LANCL1: variants seen among roughly 807,000 people sequenced by gnomAD.
The protein encoded by LANCL1 is glutathione S-transferase LANCL1.
Under a neutral mutation model 50.6 loss-of-function variants are expected in LANCL1, and 50 were observed. That is an observed-to-expected ratio of 0.99 (90% CI 0.79 to 1.25). The LOEUF (loss-of-function observed/expected upper bound fraction) is 1.25, where lower values mean the gene tolerates loss of function less well. LANCL1 is among the 50% of genes most tolerant of loss of function. The pLI is 0.00. For missense variants in LANCL1, 532 were observed against 480.7 expected (o/e 1.11, Z -1.00); for synonymous variants, 188 against 178.6 (o/e 1.05, Z -0.42).
intron 3 of LANCL1, chr2:210,460,888 A>C (rs1369579553): frequency 6.6e-6 from 1 of 152,216 alleles, no homozygotes; most frequent in Non-Finnish European, 1.5e-5. Context: ...AAGTACTCTG[A>C]AGATGTGTCT....
intron 4 of LANCL1, among the ~76,000 whole-genome samples, chr2:210,445,260 C>A (rs1427980822): frequency 6.6e-6 from 1 of 152,124 alleles, no homozygotes; most frequent in African/African-American, 2.4e-5. Context: ...AATATTTGAA[C>A]CACGGCATTA....
intron 4 of LANCL1, among the ~76,000 whole-genome samples, chr2:210,443,552 A>C (rs1290781829): frequency 6.6e-6 from 1 of 152,184 alleles, no homozygotes; most frequent in Non-Finnish European, 1.5e-5. Flanking sequence ...TCATCTGTGA[A>C]ATAAATAGTC....
chr2:210,458,858 A>G (rs565521459), intron 3 of LANCL1, among the ~76,000 whole-genome samples: 1 of 152,318 alleles, frequency 6.6e-6, no homozygotes, highest in Non-Finnish European at 1.5e-5. Flanking sequence ...ATAACAGCCA[A>G]AATTGTTCGA....
chr2:210,471,603 C>T (rs935917098), intron 3 of LANCL1: 21 of 474,482 alleles, frequency 4.4e-5, no homozygotes, highest in Non-Finnish European at 7.1e-5. Flanking sequence ...TCATTACCTC[C>T]GCTTCAGGCA....
At chr2:210,453,941 T>G (rs73069789) in intron 4 of LANCL1, among the ~76,000 whole-genome samples, 5,145 of 152,206 alleles carry the variant, frequency 0.034, 242 homozygotes, top group African/African-American at 0.12. Flanking sequence ...AATGTTCAGT[T>G]TTTTTCCTCT....
chr2:210,450,242 G>A (rs940477294), intron 4 of LANCL1, among the ~76,000 whole-genome samples: 1 of 152,290 alleles, frequency 6.6e-6, no homozygotes, highest in Middle Eastern at 3.4e-3. Flanking sequence ...AAGCAATGGG[G>A]AAAGGATTCC....
chr2:210,446,577 C>G (rs1330163446), intron 4 of LANCL1, among the ~76,000 whole-genome samples: 2 of 151,574 alleles, frequency 1.3e-5, no homozygotes, highest in African/African-American at 4.8e-5. Context: ...GGAGCATGTT[C>G]TAACCAAATG....
chr2:210,476,491 G>C, intron 1 of LANCL1, 79 bp from the exon 2 acceptor site: 3 of 1,474,820 alleles, frequency 2.0e-6, no homozygotes, highest in Non-Finnish European at 2.7e-6. Context: ...CGGCGCCCAG[G>C]TATCCCCCTT....
chr2:210,439,756 T>G (rs536585908), intron 6 of LANCL1, among the ~76,000 whole-genome samples: 1 of 152,262 alleles, frequency 6.6e-6, no homozygotes, highest in South Asian at 2.1e-4. Flanking sequence ...GATCTTGTAT[T>G]ATAAGAGCCA....
chr2:210,474,465 C>T (rs986701260), intron 2 of LANCL1, among the ~76,000 whole-genome samples: 20 of 151,810 alleles, frequency 1.3e-4, no homozygotes, highest in African/African-American at 4.4e-4. Context: ...CCTGTAATCC[C>T]GGCACTTTGG....
intron 3 of LANCL1, among the ~76,000 whole-genome samples, chr2:210,456,952 C>T (rs1419881506): frequency 6.6e-6 from 1 of 152,162 alleles, no homozygotes; most frequent in African/African-American, 2.4e-5. Flanking sequence ...TCATGAAAAA[C>T]AGGTAATCAT....
intron 7 of LANCL1, among the ~76,000 whole-genome samples, chr2:210,437,300 A>G (rs1428714785): frequency 1.3e-5 from 2 of 152,166 alleles, no homozygotes; most frequent in Admixed American, 6.5e-5. Flanking sequence ...TTGCATTGTG[A>G]TATGTTCCAT....
intron 4 of LANCL1, among the ~76,000 whole-genome samples, chr2:210,451,629 A>G (rs72930503): frequency 0.18 from 27,151 of 152,070 alleles, 3,129 homozygotes; most frequent in Middle Eastern, 0.32. Context: ...CCTTATCTCT[A>G]TTTTACAAAT....
chr2:210,463,740 G>A (rs78729017), intron 3 of LANCL1, among the ~76,000 whole-genome samples: 116 of 152,278 alleles, frequency 7.6e-4, no homozygotes, highest in African/African-American at 2.6e-3. Flanking sequence ...AGACCAGAGG[G>A]ATTTATGGTA....
intron 4 of LANCL1, among the ~76,000 whole-genome samples, chr2:210,448,767 A>C (rs900746713): frequency 4.6e-5 from 7 of 152,222 alleles, no homozygotes; most frequent in Admixed American, 1.3e-4. Flanking sequence ...GAAATGGATA[A>C]ATTCCTTGAC....
chr2:210,435,684 G>A (rs1193009567), intron 8 of LANCL1, among the ~76,000 whole-genome samples: 3 of 152,034 alleles, frequency 2.0e-5, no homozygotes, highest in Non-Finnish European at 4.4e-5. Flanking sequence ...AAGAAGAAAG[G>A]CACAAAATCA....
chr2:210,432,182 G>C lies in LANCL1; in HGVS notation c.*2305C>G, dbSNP rs144671499. 1 of 152,170 alleles carries C rather than the reference G, an allele frequency of 6.6e-6. No individual in the cohort carries two copies. 9.4% of individuals were successfully genotyped at this position (152,170 alleles called of 1,614,324 possible). A position where few individuals can be genotyped will look rare whatever the true frequency, so the allele number is the denominator to read the frequency against. ...CATGTTGTTAGGGGATTGTCTCAGC[G>C]TTGTAGGCTTTGCCTGAATTTAAAA... is the stretch of plus-strand genomic sequence containing the variant. On this transcript the variant is annotated 3_prime_UTR_variant, in exon 10 of 10. Coordinates refer to ENST00000450366, the MANE Select transcript of LANCL1 (RefSeq NM_006055.3).
chr2:210,458,032 C>T (rs1693721854), intron 3 of LANCL1, among the ~76,000 whole-genome samples: 1 of 152,080 alleles, frequency 6.6e-6, no homozygotes, highest in African/African-American at 2.4e-5. Context: ...AAGGCACTGG[C>T]GATTTATTTC....
intron 4 of LANCL1, among the ~76,000 whole-genome samples, chr2:210,448,396 G>A (rs746781921): frequency 3.9e-5 from 6 of 152,158 alleles, no homozygotes; most frequent in Non-Finnish European, 8.8e-5. Flanking sequence ...ACAAGAGAAA[G>A]AAGGAAAGAT....
Sources: gnomAD v4.1 joint callset for allele counts (sites outside exome capture counted in the v4.1 genomes callset) on GRCh38, gnomAD v4.1.1 for gene constraint, MANE v1.5 for transcripts, NCBI Gene and HGNC (gene_info 2026-07-23, HGNC 2026-07-21) for gene names.